CAMSAP1: variants seen among roughly 807,000 people sequenced by gnomAD.
The protein encoded by CAMSAP1 is calmodulin regulated spectrin associated protein 1.
CAMSAP1 carries 58 observed loss-of-function variants against 143.5 expected under a neutral mutation model. The ratio of observed to expected loss-of-function variants is 0.40; its 90% CI spans 0.33 to 0.50. CAMSAP1 has a LOEUF of 0.50. Ranked by LOEUF, CAMSAP1 falls within the 20% of genes least tolerant of loss-of-function variation. The probability of loss-of-function intolerance (pLI) is 0.45; values close to 1 mark genes in which losing one functional copy is unlikely to be tolerated. For synonymous variants in CAMSAP1, 945 were observed against 859.3 expected (o/e 1.10, Z -1.74); for missense variants, 1,969 against 2,115.7 (o/e 0.93, Z 1.36).
At chr9:135,846,983 G>A (rs1477441604) in intron 7 of CAMSAP1, among the ~76,000 whole-genome samples, 1 of 152,090 alleles carries the variant, frequency 6.6e-6, no homozygotes, top group African/African-American at 2.4e-5. Context: ...GATTCCTCAA[G>A]GATCTATAAA....
chr9:135,858,337 G>T, intron 5 of CAMSAP1, among the ~76,000 whole-genome samples: 1 of 151,642 alleles, frequency 6.6e-6, no homozygotes, highest in Non-Finnish European at 1.5e-5. Context: ...CTTTTTTTGG[G>T]TTTACTTCTA....
chr9:135,902,422 T>C (rs1053041759), intron 1 of CAMSAP1, among the ~76,000 whole-genome samples: 16 of 152,188 alleles, frequency 1.1e-4, no homozygotes, highest in Admixed American at 2.6e-4. Context: ...ACGCAGTGGT[T>C]TCACCTGTAA....
intron 1 of CAMSAP1, among the ~76,000 whole-genome samples, chr9:135,896,404 G>A (rs1281564697): frequency 6.6e-6 from 1 of 152,110 alleles, no homozygotes; most frequent in Non-Finnish European, 1.5e-5. Flanking sequence ...AGTTGACACA[G>A]CTAAAAAGAG....
intron 7 of CAMSAP1, among the ~76,000 whole-genome samples, chr9:135,841,026 G>A (rs916195041): frequency 2.0e-5 from 3 of 152,158 alleles, no homozygotes; most frequent in Admixed American, 1.3e-4. Context: ...AAAGGGTGCT[G>A]AAGTCAGGGA....
At chr9:135,855,419 T>G (rs1329374605) in intron 5 of CAMSAP1, among the ~76,000 whole-genome samples, 1 of 152,180 alleles carries the variant, frequency 6.6e-6, no homozygotes, top group East Asian at 1.9e-4. Flanking sequence ...CCTTTTCTAT[T>G]GCTGCATGCC....
chr9:135,900,843 C>T (rs1286773211), intron 1 of CAMSAP1, among the ~76,000 whole-genome samples: 2 of 151,940 alleles, frequency 1.3e-5, no homozygotes, highest in African/African-American at 2.4e-5. Flanking sequence ...CAGCCTCCGC[C>T]TCCTGGGTTT....
Position 135,865,432 on chromosome 9 carries a change from G to C in CAMSAP1, c.666+1024C>G, listed in dbSNP as rs1265562263. On this transcript the variant is annotated intron_variant, in intron 4 of 16. Transcript: ENST00000389532. ...GCAGAGCAGGTCCACGTGTGGACGA[G>C]GTAACACACACTTCCCCACGGCGTT... is the stretch of plus-strand genomic sequence containing the variant. 5.1e-5 allele frequency: 75 copies of C among 1,464,444 alleles called. 1 individual carries two copies. Among genetic ancestry groups the C allele is most frequent in the Non-Finnish European group, 6.8e-5 (73 of 1,070,460 alleles). The allele number at this position is 1,464,444 out of a possible 1,614,324, so 90.7% of individuals were successfully genotyped here. A position where few individuals can be genotyped will look rare whatever the true frequency, so the allele number is the denominator to read the frequency against.
rs1022229097 is a variant in CAMSAP1 at position 135,820,913 on chromosome 9, G to C, written c.3748C>G (p.Leu1250Val). ...TCCGCCGAGCCATCGAGGCTTACCA[G>C]CTCCCCATCCTCGTCGGGGGCCTTC... ...DLKAPDEDGE[L>V]VSLDGSADLV... is the part of the protein sequence containing the mutation. The change falls in exon 11 of 17, where the codon CTG (leucine) becomes GTG (valine). Residue 1250 changes from leucine (L) to valine (V), a missense_variant. Transcript: ENST00000389532. This position sits in a 1 kb window ranked among gnomAD's most constrained non-coding sequence, Gnocchi z 4.4. 3 of 1,613,780 alleles carry C rather than the reference G, an allele frequency of 1.9e-6. No individual in the cohort carries two copies. In the South Asian group the frequency reaches 3.3e-5, roughly 18 times the overall value.
At chr9:135,883,474 AC>A (rs1417824645) in intron 1 of CAMSAP1, among the ~76,000 whole-genome samples, 3 of 152,192 alleles carry the variant, frequency 2.0e-5, no homozygotes, top group African/African-American at 7.2e-5. Flanking sequence ...ACAGGCTAGG[AC>A]CATGTAGTGC....
rs1272045036 is a variant in CAMSAP1, at chr9:135,815,019, T to C, written c.4506+78A>G. ...TCTCATGCATCAAAGATTAGGGGTG[T>C]TTTCTTTTAAAAAGAACCCTTAATT... is the stretch of plus-strand genomic sequence containing the variant. On this transcript the variant is annotated intron_variant, in intron 16 of 16. Transcript: ENST00000389532. 2.3e-5 allele frequency: 24 copies of C among 1,056,918 alleles called. 1 individual carries two copies. In the East Asian group the frequency reaches 5.7e-4, roughly 25 times the overall value. The allele number at this position is 1,056,918 out of a possible 1,614,324, so 65.5% of individuals were successfully genotyped here.
chr9:135,889,729 CCT>C (rs1290413029), intron 1 of CAMSAP1, among the ~76,000 whole-genome samples: 1 of 152,218 alleles, frequency 6.6e-6, no homozygotes, highest in African/African-American at 2.4e-5. Flanking sequence ...TCCTCCTTCC[CCT>C]GAGCTCTTCT....
intron 10 of CAMSAP1, 147 bp from the exon 11 acceptor site, chr9:135,823,407 G>A: frequency 2.2e-6 from 2 of 907,782 alleles, no homozygotes; most frequent in South Asian, 4.9e-5. Flanking sequence ...CAGAGCAGAA[G>A]AAAATCAGAG....
At chr9:135,836,212 G>A (rs545989693) in intron 7 of CAMSAP1, 4 of 983,978 alleles carry the variant, frequency 4.1e-6, no homozygotes, top group Admixed American at 1.2e-4. Context: ...GCCACACATC[G>A]CCAAGTACCT....
At chr9:135,827,917 C>G (rs1018819514) in intron 7 of CAMSAP1, among the ~76,000 whole-genome samples, 1 of 152,256 alleles carries the variant, frequency 6.6e-6, no homozygotes, top group African/African-American at 2.4e-5. Context: ...CACGTGCCAC[C>G]TTCACCAAGC....
chr9:135,860,453 C>T (rs1837142492), intron 5 of CAMSAP1, among the ~76,000 whole-genome samples: 1 of 151,948 alleles, frequency 6.6e-6, no homozygotes, highest in Non-Finnish European at 1.5e-5. Flanking sequence ...CAAAAATTAG[C>T]TGGGTGTGGT....
rs767495608 is a variant in CAMSAP1, at chr9:135,868,609, A to ATTTTTTTTT, written c.586-2082_586-2074dup. ...AAAGGCTTTTCTGATGAGATTGGCAATTTTTTTTTTTTTTTTTTTTTTTTT... is the reference window on the plus strand; with the variant it reads ...AAAGGCTTTTCTGATGAGATTGGCAATTTTTTTTTTTTTTTTTTTTTTTTTTTTTTTTTT... On this transcript the variant is annotated intron_variant, in intron 3 of 16. Coordinates refer to ENST00000389532, the MANE Select transcript of CAMSAP1 (RefSeq NM_015447.4). 2.4e-3 allele frequency among the ~76,000 whole-genome samples: 229 copies of ATTTTTTTTT among 93,472 alleles called. 21 individuals are homozygous for ATTTTTTTTT. Among genetic ancestry groups the ATTTTTTTTT allele is most frequent in the African/African-American group, 5.1e-3 (111 of 21,570 alleles). The allele number at this position is 93,472 out of a possible 152,430, so 61.3% of individuals were successfully genotyped here. A position where few individuals can be genotyped will look rare whatever the true frequency, so the allele number is the denominator to read the frequency against.
chr9:135,900,703 GA>G (rs1464003146), intron 1 of CAMSAP1, among the ~76,000 whole-genome samples: 2 of 151,804 alleles, frequency 1.3e-5, no homozygotes, highest in African/African-American at 4.8e-5. Context: ...TCAAAAAAAA[GA>G]AAGAGAGGAC....
rs913079055 is a variant in CAMSAP1 at position 135,826,859 on chromosome 9, T to A, written c.1223+548A>T. On this transcript the variant is annotated intron_variant, in intron 8 of 16. Coordinates refer to ENST00000389532, the MANE Select transcript of CAMSAP1 (RefSeq NM_015447.4). This position sits in a 1 kb window ranked among gnomAD's most constrained non-coding sequence, Gnocchi z 4.4. ...GTCAATTCTACCCCAGATATGGTTA[T>A]CCAAATTAGGTCTTCATGATGAAAA... Among the ~76,000 whole-genome samples the A allele has an allele frequency of 2.6e-5, 4 of 152,190 alleles. No homozygotes were observed. Among genetic ancestry groups the A allele is most frequent in the African/African-American group, 9.7e-5 (4 of 41,440 alleles).
At chr9:135,836,155 T>G in intron 7 of CAMSAP1, 1 of 985,422 alleles carries the variant, frequency 1.0e-6, no homozygotes, top group Non-Finnish European at 1.2e-6. Flanking sequence ...GAGAAGCCCA[T>G]GTGCATCTAC....
Sources: gnomAD v4.1 joint callset for allele counts (sites outside exome capture counted in the v4.1 genomes callset) on GRCh38, gnomAD v4.1.1 for gene constraint, Gnocchi (gnomAD v3.1) non-coding constraint, MANE v1.5 for transcripts, NCBI Gene and HGNC (gene_info 2026-07-23, HGNC 2026-07-21) for gene names.